MAP3K7CL: variants seen among roughly 807,000 people sequenced by gnomAD.
MAP3K7CL encodes the protein MAP3K7 C-terminal-like protein.
MAP3K7CL carries 16 observed loss-of-function variants against 18.6 expected under a neutral mutation model. The ratio of observed to expected loss-of-function variants is 0.86; its 90% CI spans 0.58 to 1.31. The LOEUF (loss-of-function observed/expected upper bound fraction) is 1.31. Among genes scored for constraint, MAP3K7CL ranks in the 50% most tolerant of loss-of-function variants. The probability of loss-of-function intolerance (pLI) is 0.00; values close to 1 mark genes in which losing one functional copy is unlikely to be tolerated. For missense variants in MAP3K7CL, 163 were observed against 174.4 expected (o/e 0.93, Z 0.37); for synonymous variants, 65 against 66.8 (o/e 0.97, Z 0.13).
At chr21:29,101,011 C>A (rs1317050631) in intron 4 of MAP3K7CL, among the ~76,000 whole-genome samples, 4 of 151,278 alleles carry the variant, frequency 2.6e-5, no homozygotes. Flanking sequence ...TGCGCCCGGT[C>A]CCTCTTTTTT....
At chr21:29,128,067 CT>C (rs967121711), upstream of MAP3K7CL, 18 of 152,270 alleles carry the variant, frequency 1.2e-4, no homozygotes, top group African/African-American at 4.1e-4. Flanking sequence ...TCACCACCAG[CT>C]TTTCTGAAGG....
chr21:29,112,462 A>T (rs561592412), intron 4 of MAP3K7CL, among the ~76,000 whole-genome samples: 1 of 149,378 alleles, frequency 6.7e-6, no homozygotes, highest in South Asian at 2.1e-4. Flanking sequence ...GGATTTTTTA[A>T]AAAACCCACT....
chr21:29,134,134 C>T (rs1238733743), intron 2 of MAP3K7CL, among the ~76,000 whole-genome samples: 1 of 152,206 alleles, frequency 6.6e-6, no homozygotes, highest in African/African-American at 2.4e-5. Context: ...AAATCACATG[C>T]TTAAACAACA....
At chr21:29,166,661 T>C (rs2087696622) in intron 4 of MAP3K7CL, among the ~76,000 whole-genome samples, 1 of 152,238 alleles carries the variant, frequency 6.6e-6, no homozygotes, top group African/African-American at 2.4e-5. Context: ...ATATAATATG[T>C]AATCTTTTGT....
chr21:29,148,488 C>G (rs760420964), intron 2 of MAP3K7CL, among the ~76,000 whole-genome samples: 1 of 152,184 alleles, frequency 6.6e-6, no homozygotes, highest in Non-Finnish European at 1.5e-5. Context: ...CTTCTTAGAA[C>G]TGCATCTTGC....
chr21:29,125,775 G>A (rs142168081), upstream of MAP3K7CL, among the ~76,000 whole-genome samples: 87 of 152,268 alleles, frequency 5.7e-4, 1 homozygote, highest in African/African-American at 1.9e-3. Context: ...GGGAAACCTG[G>A]GAAACCTTAC....
At chr21:29,123,364 G>A (rs1021276633) in intron 4 of MAP3K7CL, among the ~76,000 whole-genome samples, 1 of 152,000 alleles carries the variant, frequency 6.6e-6, no homozygotes, top group African/African-American at 2.4e-5. Context: ...GTACCCGGCT[G>A]ATCTTTTAAA....
chr21:29,081,385 T>TA (rs1321775282), upstream of MAP3K7CL, among the ~76,000 whole-genome samples: 10 of 151,972 alleles, frequency 6.6e-5, 1 homozygote, highest in South Asian at 6.2e-4. Flanking sequence ...CTGTCTCTAC[T>TA]AAAAAAAATA....
At chr21:29,082,956 AC>A (rs2085861193), upstream of MAP3K7CL, among the ~76,000 whole-genome samples, 1 of 151,960 alleles carries the variant, frequency 6.6e-6, no homozygotes, top group Non-Finnish European at 1.5e-5. Flanking sequence ...TTCTTGAGCC[AC>A]CACAGCAGGT....
At chr21:29,098,807 G>T (rs1477671170) in intron 4 of MAP3K7CL, among the ~76,000 whole-genome samples, 1 of 152,144 alleles carries the variant, frequency 6.6e-6, no homozygotes, top group Non-Finnish European at 1.5e-5. Context: ...TTGTTACTGG[G>T]CTTCTTCCTT....
chr21:29,106,028 A>G lies in MAP3K7CL; in HGVS notation c.370+13447A>G, dbSNP rs910982392. On this transcript the variant is annotated intron_variant, in intron 4 of 6. Transcript: ENST00000286791. Reference sequence around the variant, plus strand: ...ACCCCATGAACCTCCCTGTCTTCTCATCTGTAGGCTCACACTAATCCCTAG... The same window carrying G: ...ACCCCATGAACCTCCCTGTCTTCTCGTCTGTAGGCTCACACTAATCCCTAG... 5.3e-5 allele frequency among the ~76,000 whole-genome samples: 8 copies of G among 152,112 alleles called. No individual in the cohort carries two copies. The East Asian group carries it at 1.5e-3, about 29-fold the overall frequency.
intron 4 of MAP3K7CL, among the ~76,000 whole-genome samples, chr21:29,116,037 T>C (rs981817423): frequency 6.6e-6 from 1 of 152,258 alleles, no homozygotes; most frequent in Non-Finnish European, 1.5e-5. Flanking sequence ...AGTTTACTTA[T>C]GTATACTCTA....
chr21:29,101,645 T>G (rs1048223905), intron 4 of MAP3K7CL, among the ~76,000 whole-genome samples: 4 of 152,118 alleles, frequency 2.6e-5, no homozygotes, highest in Admixed American at 6.5e-5. Flanking sequence ...CCTGACCTCA[T>G]GATCCACCTG....
chr21:29,093,739 C>T (rs563677608), intron 4 of MAP3K7CL, among the ~76,000 whole-genome samples: 168 of 152,272 alleles, frequency 1.1e-3, no homozygotes, highest in African/African-American at 3.7e-3. Context: ...GATCCACCCG[C>T]CTCGGCCTCC....
At chr21:29,134,074 C>A (rs576994711) in intron 2 of MAP3K7CL, among the ~76,000 whole-genome samples, 1 of 152,362 alleles carries the variant, frequency 6.6e-6, no homozygotes, top group African/African-American at 2.4e-5. Context: ...GAAGGCTTGG[C>A]TCTCTTCCAC....
Position 29,175,001 on chromosome 21 carries a change from C to T in MAP3K7CL, c.*109C>T. On this transcript the variant is annotated 3_prime_UTR_variant, in exon 5 of 5. Coordinates refer to ENST00000399928, the MANE Select transcript of MAP3K7CL (RefSeq NM_001286620.2). ...TCAGATCTATTGCTTCTCTGTATTA[C>T]CCACATGACAACTGTCTATAATGAG... 9.2e-7 allele frequency: 1 copy of T among 1,086,464 alleles called. No homozygotes were observed. Among genetic ancestry groups the T allele is most frequent in the Non-Finnish European group, 1.3e-6 (1 of 769,522 alleles). 67.3% of individuals were successfully genotyped at this position (1,086,464 alleles called of 1,614,324 possible). A position where few individuals can be genotyped will look rare whatever the true frequency, so the allele number is the denominator to read the frequency against.
intron 4 of MAP3K7CL, among the ~76,000 whole-genome samples, chr21:29,124,261 G>C (rs1443567375): frequency 6.7e-6 from 1 of 150,004 alleles, no homozygotes; most frequent in Non-Finnish European, 1.5e-5. Context: ...GGCTGAGGCA[G>C]GAGAATCGTT....
intron 2 of MAP3K7CL, among the ~76,000 whole-genome samples, chr21:29,146,538 G>T (rs2087132701): frequency 6.6e-6 from 1 of 152,196 alleles, no homozygotes; most frequent in African/African-American, 2.4e-5. Context: ...GTCACTTCTG[G>T]TCTAAGTAGA....
chr21:29,081,292 A>G (rs575648885), upstream of MAP3K7CL, among the ~76,000 whole-genome samples: 387 of 152,336 alleles, frequency 2.5e-3, 1 homozygote, highest in African/African-American at 8.4e-3. Flanking sequence ...GCTCACGCCT[A>G]TAATCCCAGC....
Sources: allele counts gnomAD v4.1 joint callset (sites outside exome capture counted in the v4.1 genomes callset), GRCh38; gene constraint gnomAD v4.1.1; transcripts MANE v1.5; gene names NCBI Gene and HGNC (gene_info 2026-07-23, HGNC 2026-07-21).